The following MAP3K5 variants were observed in gnomAD, a reference collection of about 807,000 sequenced individuals.
MAP3K5 encodes the protein ASK-1.
In MAP3K5, 56 loss-of-function variants were observed where a neutral mutation model predicts 158.7. That is an observed-to-expected ratio of 0.35 (90% CI 0.28 to 0.44). MAP3K5 has a LOEUF of 0.44. MAP3K5 is among the 20% of genes least tolerant of loss of function. MAP3K5 has a pLI of 1.00. For synonymous variants in MAP3K5, 579 were observed against 601.7 expected (o/e 0.96, Z 0.55); for missense variants, 1,294 against 1,674.8 (o/e 0.77, Z 3.97).
intron 1 of MAP3K5, among the ~76,000 whole-genome samples, chr6:136,769,065 T>C (rs1784073834): frequency 6.6e-6 from 1 of 152,172 alleles, no homozygotes; most frequent in Admixed American, 6.5e-5. Context: ...ATATTCATGG[T>C]TTATTCATGA....
At chr6:136,731,555 C>G (rs1782224461) in intron 1 of MAP3K5, among the ~76,000 whole-genome samples, 2 of 152,186 alleles carry the variant, frequency 1.3e-5, no homozygotes, top group African/African-American at 4.8e-5. Flanking sequence ...CCAGGATTAT[C>G]TTATCTCAAG....
intron 24 of MAP3K5, among the ~76,000 whole-genome samples, chr6:136,580,777 C>T (rs1774835592): frequency 6.6e-6 from 1 of 152,054 alleles, no homozygotes; most frequent in East Asian, 1.9e-4. Flanking sequence ...GCTGTTCTTA[C>T]TGTTCATTAT....
At chr6:136,574,013 C>A (rs532503370) in intron 25 of MAP3K5, among the ~76,000 whole-genome samples, 2 of 151,894 alleles carry the variant, frequency 1.3e-5, no homozygotes, top group Non-Finnish European at 1.5e-5. Flanking sequence ...TCACTGCAAC[C>A]TCCGCCTCCC....
intron 19 of MAP3K5, among the ~76,000 whole-genome samples, chr6:136,603,456 G>A (rs970434440): frequency 3.3e-5 from 5 of 151,810 alleles, no homozygotes; most frequent in African/African-American, 9.7e-5. Flanking sequence ...GGGATTATAG[G>A]TGTGAGCCAC....
intron 1 of MAP3K5, among the ~76,000 whole-genome samples, chr6:136,732,568 AG>A (rs1782275071): frequency 6.6e-6 from 1 of 152,240 alleles, no homozygotes; most frequent in Non-Finnish European, 1.5e-5. Context: ...GACAGCTGGT[AG>A]CCAACAGAAA....
In MAP3K5 at chr6:136,792,436, G is replaced by C. The variant is rs1785124525; in HGVS notation, c.-279C>G. ...GGTGGGGAAGCCGGGTGAGCGGGAA[G>C]GGACGGAGCTTCCTTTTCTTGGCCG... is the stretch of plus-strand genomic sequence containing the variant. On this transcript the variant is annotated 5_prime_UTR_variant, in exon 1 of 30. Transcript: ENST00000359015. The surrounding 1 kb of genome is among the most constrained non-coding windows in gnomAD (Gnocchi z 5.7). 1.1e-6 allele frequency: 1 copy of C among 946,346 alleles called. No homozygotes were observed. Among genetic ancestry groups the C allele is most frequent in the South Asian group, 4.9e-5 (1 of 20,566 alleles). The allele number at this position is 946,346 out of a possible 1,614,324, so 58.6% of individuals were successfully genotyped here.
chr6:136,780,582 G>A lies in MAP3K5; in HGVS notation c.448+11128C>T, dbSNP rs191503881. Among the ~76,000 whole-genome samples, 541 of 152,234 alleles carry A rather than the reference G, an allele frequency of 3.6e-3. 2 individuals are homozygous for A. The highest frequency in any genetic ancestry group is 0.012 in the African/African-American group (517 of 41,528). ...ATAGTTTAGAACATTGTAATGTGGCGCTTCCTGTGAAGAATGCACTTTCTC... is the reference window on the plus strand; with the variant it reads ...ATAGTTTAGAACATTGTAATGTGGCACTTCCTGTGAAGAATGCACTTTCTC... On this transcript the variant is annotated intron_variant, in intron 1 of 29. Coordinates refer to ENST00000359015, the MANE Select transcript of MAP3K5 (RefSeq NM_005923.4).
At chr6:136,688,572 T>A (rs1210405174) in intron 7 of MAP3K5, among the ~76,000 whole-genome samples, 4 of 152,138 alleles carry the variant, frequency 2.6e-5, no homozygotes, top group African/African-American at 9.7e-5. Context: ...TGAGAGGCAG[T>A]TAATGTTCCT....
At chr6:136,713,077 G>C (rs1389839812) in intron 2 of MAP3K5, among the ~76,000 whole-genome samples, 1 of 152,132 alleles carries the variant, frequency 6.6e-6, no homozygotes, top group Non-Finnish European at 1.5e-5. Context: ...GCCCAAAGAG[G>C]GTGATGGGTT....
chr6:136,562,837 A>ATTT (rs3040779), intron 26 of MAP3K5, among the ~76,000 whole-genome samples: 13 of 124,838 alleles, frequency 1.0e-4, no homozygotes, highest in South Asian at 2.5e-4. Context: ...TGCCTGGCTA[A>ATTT]TTTTTTTTTT....
chr6:136,747,785 T>C (rs1460711950), intron 1 of MAP3K5, among the ~76,000 whole-genome samples: 1 of 152,252 alleles, frequency 6.6e-6, no homozygotes, highest in African/African-American at 2.4e-5. Context: ...TTGATGCCCA[T>C]GCTGCTGTGT....
intron 23 of MAP3K5, among the ~76,000 whole-genome samples, chr6:136,588,904 G>A (rs968826147): frequency 1.3e-5 from 2 of 152,146 alleles, no homozygotes; most frequent in Non-Finnish European, 2.9e-5. Flanking sequence ...GTAACTGCCC[G>A]AGACAGCTTT....
In MAP3K5 at chr6:136,558,793, G is replaced by C. The variant is rs777447220; in HGVS notation, c.4064+7C>G. 6.4e-7 allele frequency: 1 copy of C among 1,550,542 alleles called. No individual in the cohort carries two copies. Among genetic ancestry groups the C allele is most frequent in the Non-Finnish European group, 8.9e-7 (1 of 1,123,406 alleles). On this transcript the variant is annotated splice_region_variant and intron_variant, in intron 29 of 29. Coordinates refer to ENST00000359015, the MANE Select transcript of MAP3K5 (RefSeq NM_005923.4). ...TTCCATAGTGACAACAGAAAGAAAAGTGGTACCTTAGTCTCAAGCATTTTA... is the reference window on the plus strand; with the variant it reads ...TTCCATAGTGACAACAGAAAGAAAACTGGTACCTTAGTCTCAAGCATTTTA...
intron 25 of MAP3K5, 143 bp from the exon 26 acceptor site, chr6:136,568,017 T>C: frequency 2.4e-6 from 2 of 847,334 alleles, no homozygotes; most frequent in Non-Finnish European, 1.8e-6. Flanking sequence ...GATGGATTTC[T>C]GTAGACTCAG....
chr6:136,788,074 G>C (rs1427170913), intron 1 of MAP3K5, among the ~76,000 whole-genome samples: 1 of 152,226 alleles, frequency 6.6e-6, no homozygotes, highest in Admixed American at 6.5e-5. Flanking sequence ...TCCTGTTTAT[G>C]GCTGCTCTTG....
At chr6:136,650,460 C>A (rs1443435444) in intron 11 of MAP3K5, among the ~76,000 whole-genome samples, 1 of 152,218 alleles carries the variant, frequency 6.6e-6, no homozygotes, top group Non-Finnish European at 1.5e-5. Context: ...GTTTTAAGAT[C>A]TTTCTCAAAA....
In MAP3K5 at chr6:136,757,318, C is replaced by T. The variant is rs536777608; in HGVS notation, c.448+34392G>A. Among the ~76,000 whole-genome samples the T allele has an allele frequency of 2.5e-3, 385 of 152,300 alleles. 2 individuals carry two copies. The highest frequency in any genetic ancestry group is 8.3e-3 in the African/African-American group (345 of 41,564). The stretch of plus-strand genomic sequence containing the variant: ...GCAACCCAGCCAAATACAACTATAA[C>T]AGCATCTCAGTTTCAACACAGTTTA... On this transcript the variant is annotated intron_variant, in intron 1 of 29. Transcript: ENST00000359015.
At position 136,698,664 on chromosome 6, in the gene MAP3K5, T is replaced by C. The variant is rs758973070; in HGVS notation, c.631A>G (p.Thr211Ala). 6.2e-6 allele frequency: 10 copies of C among 1,613,428 alleles called. 1 individual carries two copies. The South Asian group carries it at 9.9e-5, about 16-fold the overall frequency. ...QKNTMCTGNYTFVPYMITPHN... is the reference protein window; with the variant it reads ...QKNTMCTGNYAFVPYMITPHN... ...GGAGTTATCATGTAAGGAACAAAGG[T>C]GTAGTTCCCAGTGCACATCTGCGGA... The change falls in exon 4 of 30, where the codon ACC becomes GCC. Residue 211 changes from threonine to alanine, a missense_variant. This residue lies in a region of MAP3K5 where 690 missense variants were observed against 870.5 expected (regional missense o/e 0.79). Transcript: ENST00000359015.
At chr6:136,595,791 A>G (rs977101189) in intron 21 of MAP3K5, among the ~76,000 whole-genome samples, 2 of 152,118 alleles carry the variant, frequency 1.3e-5, no homozygotes, top group African/African-American at 4.8e-5. Flanking sequence ...CTGAGGCAGG[A>G]GGATTATCTC....
Sources: allele counts gnomAD v4.1 joint callset (sites outside exome capture counted in the v4.1 genomes callset), GRCh38; gene constraint gnomAD v4.1.1; regional missense constraint gnomAD v4.1.1; non-coding constraint Gnocchi (gnomAD v3.1); transcripts MANE v1.5; gene names NCBI Gene and HGNC (gene_info 2026-07-23, HGNC 2026-07-21).